The following NCOA1 variants were observed in gnomAD, a reference collection of about 807,000 sequenced individuals.
NCOA1 encodes nuclear receptor coactivator 1, also known as Hin-2 protein.
NCOA1 carries 35 observed loss-of-function variants against 150.9 expected under a neutral mutation model. The observed-to-expected ratio is 0.23, with a 90% CI of 0.18 to 0.31. The LOEUF is 0.31. NCOA1 is among the 10% of genes least tolerant of loss of function. NCOA1 has a pLI of 1.00. For missense variants in NCOA1, 1,491 were observed against 1,749.3 expected, an observed-to-expected ratio of 0.85 and a Z score of 2.63; for synonymous variants, 590 against 630.0, an observed-to-expected ratio of 0.94 and a Z score of 0.95.
At chr2:24,738,915 T>C (rs1024511526) in intron 17 of NCOA1, among the ~76,000 whole-genome samples, 6 of 152,224 alleles carry the variant, frequency 3.9e-5, no homozygotes, top group Non-Finnish European at 7.4e-5. Flanking sequence ...GTCTAGCTAA[T>C]GAAATCATAC....
rs1665213252 is a variant in NCOA1, at chr2:24,769,171, G to C, written c.*780G>C. 5.0e-6 allele frequency: 1 copy of C among 200,044 alleles called. No homozygotes were observed. The highest frequency in any genetic ancestry group is 6.0e-5 in the Admixed American group (1 of 16,622). The allele number at this position is 200,044 out of a possible 1,614,324, so 12.4% of individuals were successfully genotyped here. On this transcript the variant is annotated 3_prime_UTR_variant, in exon 23 of 23. Transcript: ENST00000348332. ...AATCTGGAAAAATAAAAGGCAGCCT[G>C]TTTTTTCTGCTTTTATTGTATTAAC...
chr2:24,692,181 G>C (rs1008099952), intron 9 of NCOA1, among the ~76,000 whole-genome samples: 1 of 152,188 alleles, frequency 6.6e-6, no homozygotes. Flanking sequence ...CAGTGGATGA[G>C]TTTTCCATGT....
At chr2:24,591,276 A>G (rs1667646809) in intron 3 of NCOA1, among the ~76,000 whole-genome samples, 2 of 152,194 alleles carry the variant, frequency 1.3e-5, no homozygotes, top group South Asian at 4.1e-4. Context: ...CATAATAATA[A>G]TGTCAACTGG....
At chr2:24,629,596 G>A (rs192977725) in intron 3 of NCOA1, among the ~76,000 whole-genome samples, 40 of 147,150 alleles carry the variant, frequency 2.7e-4, no homozygotes, top group Admixed American at 2.3e-3. Context: ...CTGAATATAT[G>A]TTACTGAAAC....
chr2:24,501,640 G>A (rs1434767119), intron 1 of NCOA1, among the ~76,000 whole-genome samples: 2 of 152,034 alleles, frequency 1.3e-5, no homozygotes, highest in East Asian at 3.9e-4. Flanking sequence ...TAAACCATGA[G>A]ATATGTGATA....
At chr2:24,500,375 T>C (rs1457824198) in intron 1 of NCOA1, among the ~76,000 whole-genome samples, 6 of 152,220 alleles carry the variant, frequency 3.9e-5, no homozygotes, top group Non-Finnish European at 8.8e-5. Context: ...CCCAAAGTGC[T>C]GGGATTACAG....
intron 6 of NCOA1, among the ~76,000 whole-genome samples, chr2:24,669,923 A>G (rs559558044): frequency 6.6e-6 from 1 of 152,318 alleles, no homozygotes; most frequent in East Asian, 1.9e-4. Flanking sequence ...AGATCGCTTG[A>G]GCCCAGGAGT....
intron 21 of NCOA1, among the ~76,000 whole-genome samples, chr2:24,758,848 C>T (rs1486253790): frequency 7.3e-5 from 11 of 151,426 alleles, no homozygotes; most frequent in African/African-American, 2.4e-4. Flanking sequence ...ATTAGCTGTG[C>T]GTGGTGGCAT....
chr2:24,557,373 T>C (rs373654419), intron 1 of NCOA1, among the ~76,000 whole-genome samples: 2 of 152,310 alleles, frequency 1.3e-5, no homozygotes, highest in South Asian at 4.1e-4. Context: ...TTACTAACCC[T>C]ACAATGCAGT....
intron 1 of NCOA1, among the ~76,000 whole-genome samples, chr2:24,562,088 G>T (rs892691363): frequency 3.9e-5 from 6 of 152,070 alleles, no homozygotes; most frequent in African/African-American, 1.4e-4. Context: ...ATTAAAGGGG[G>T]AGAAATTTCA....
intron 4 of NCOA1, among the ~76,000 whole-genome samples, chr2:24,653,804 C>T (rs928094358): frequency 1.3e-5 from 2 of 152,008 alleles, no homozygotes; most frequent in African/African-American, 4.8e-5. Context: ...GCTAAGGAAA[C>T]AAAAAATGGC....
At chr2:24,546,519 A>G (rs988021472) in intron 1 of NCOA1, among the ~76,000 whole-genome samples, 4 of 152,374 alleles carry the variant, frequency 2.6e-5, no homozygotes, top group Middle Eastern at 3.4e-3. Context: ...AGTGCATCTA[A>G]TTAAGATAGA....
intron 2 of NCOA1, among the ~76,000 whole-genome samples, chr2:24,565,751 G>T (rs1367374011): frequency 6.6e-6 from 1 of 152,326 alleles, no homozygotes; most frequent in South Asian, 2.1e-4. Context: ...GCAAGCGAGT[G>T]TGGGGTCTGG....
intron 17 of NCOA1, among the ~76,000 whole-genome samples, chr2:24,738,569 T>C (rs1010354479): frequency 7.2e-5 from 11 of 152,176 alleles, no homozygotes; most frequent in Non-Finnish European, 1.2e-4. Context: ...GAGAGATAGA[T>C]ATTAATGGTT....
intron 20 of NCOA1, among the ~76,000 whole-genome samples, chr2:24,757,756 G>C (rs1396142378): frequency 6.6e-6 from 1 of 152,104 alleles, no homozygotes; most frequent in African/African-American, 2.4e-5. Flanking sequence ...TATTGTGCCA[G>C]ATAATTGTTA....
At chr2:24,567,254 G>A (rs1221101294) in intron 2 of NCOA1, among the ~76,000 whole-genome samples, 3 of 152,186 alleles carry the variant, frequency 2.0e-5, no homozygotes, top group Non-Finnish European at 2.9e-5. Context: ...TAGATGTATT[G>A]TACTTTTCTT....
chr2:24,626,431 T>C (rs1669411504), intron 3 of NCOA1, among the ~76,000 whole-genome samples: 1 of 152,218 alleles, frequency 6.6e-6, no homozygotes, highest in Non-Finnish European at 1.5e-5. Flanking sequence ...CGTGATGCTG[T>C]TCTGATAAAC....
At chr2:24,730,086 T>C (rs1028241547) in intron 17 of NCOA1, among the ~76,000 whole-genome samples, 2 of 152,104 alleles carry the variant, frequency 1.3e-5, no homozygotes, top group African/African-American at 2.4e-5. Context: ...CCTTGTGATT[T>C]GCCCACCTCG....
intron 3 of NCOA1, among the ~76,000 whole-genome samples, chr2:24,632,445 C>G (rs6755372): frequency 0.043 from 6,471 of 152,250 alleles, 213 homozygotes; most frequent in African/African-American, 0.093. Context: ...ATGCACTTCT[C>G]CCATCCTGAC....
Sources: allele counts gnomAD v4.1 joint callset (sites outside exome capture counted in the v4.1 genomes callset), GRCh38; gene constraint gnomAD v4.1.1; transcripts MANE v1.5; gene names NCBI Gene and HGNC (gene_info 2026-07-23, HGNC 2026-07-21).